MTMR7: variants seen among roughly 807,000 people sequenced by gnomAD.
The protein encoded by MTMR7 is myotubularin related protein 7.
MTMR7 carries 76 observed loss-of-function variants against 81.2 expected under a neutral mutation model. The observed-to-expected ratio is 0.94, with a 90% CI of 0.78 to 1.13. The LOEUF (loss-of-function observed/expected upper bound fraction) is 1.13, where lower values mean the gene tolerates loss of function less well. MTMR7 is among the 50% of genes most tolerant of loss of function. The pLI, the probability that MTMR7 is intolerant of heterozygous loss-of-function variation, is 0.00. For synonymous variants in MTMR7, 372 were observed against 289.8 expected, an observed-to-expected ratio of 1.28 and a Z score of -2.88; for missense variants, 1,044 against 820.0, an observed-to-expected ratio of 1.27 and a Z score of -3.34.
intron 1 of MTMR7, among the ~76,000 whole-genome samples, chr8:17,383,944 T>G (rs1820843874): frequency 6.6e-6 from 1 of 152,206 alleles, no homozygotes; most frequent in African/African-American, 2.4e-5. Context: ...ATCTACCATA[T>G]AGAAATTCTC....
intron 1 of MTMR7, among the ~76,000 whole-genome samples, chr8:17,385,064 C>G (rs1175506383): frequency 1.3e-5 from 2 of 152,184 alleles, no homozygotes; most frequent in Admixed American, 6.5e-5. Context: ...GAATCCTATT[C>G]TCAAGCTGCC....
In MTMR7 at chr8:17,302,192, T is replaced by C. The variant is rs1349242395; in HGVS notation, c.1582A>G (p.Thr528Ala). Residue 528 changes from threonine (T) to alanine (A), a missense_variant, in exon 13 of 14, where the codon ACT becomes GCT. By Grantham distance (58) the Thr-to-Ala change is moderately conservative (BLOSUM62 0). Coordinates refer to ENST00000180173, the MANE Select transcript of MTMR7 (RefSeq NM_004686.5). ...TCTAGTTCTTCCTCTAGCTGCTGAG[T>C]TTCTTCCTTCACTGCCATTAGGTAA... Reference protein sequence around the residue: ...TDYLMAVKEETQQLEEELEAL... With the variant: ...TDYLMAVKEEAQQLEEELEAL... The C allele has an allele frequency of 1.9e-6, 3 of 1,614,038 alleles. No individual in the cohort carries two copies. The highest frequency in any genetic ancestry group is 1.7e-6 in the Non-Finnish European group (2 of 1,180,008).
chr8:17,361,136 T>A lies in MTMR7; in HGVS notation c.449A>T (p.Asp150Val). The A allele has an allele frequency of 1.9e-6, 3 of 1,614,162 alleles. No individual in the cohort carries two copies. Among genetic ancestry groups the A allele is most frequent in the Non-Finnish European group, 2.5e-6 (3 of 1,180,014 alleles). ...ACTCACTCTGTAGTCTCTATTCACA[T>A]CGCTGAGCTGCCAGTAATGATTAGG... is the stretch of plus-strand genomic sequence containing the variant. ...GLPNHYWQLSDVNRDYRVCDS... is the reference protein window; with the variant it reads ...GLPNHYWQLSVVNRDYRVCDS... Residue 150 changes from aspartate to valine, a missense_variant, in exon 4 of 14, where the codon GAT becomes GTT. Asp to Val is a radical substitution (Grantham distance 152). Transcript: ENST00000180173.
intron 7 of MTMR7, among the ~76,000 whole-genome samples, chr8:17,326,043 T>C (rs1476809155): frequency 1.3e-5 from 2 of 152,230 alleles, no homozygotes; most frequent in African/African-American, 2.4e-5. Context: ...TACATTGCTT[T>C]ACAAATACAG....
intron 7 of MTMR7, among the ~76,000 whole-genome samples, chr8:17,316,463 G>T (rs1407863208): frequency 1.1e-5 from 1 of 94,180 alleles, no homozygotes; most frequent in African/African-American, 5.5e-5. Context: ...AAACAGTACA[G>T]TAAAAAAAAA....
chr8:17,353,248 G>A (rs1440118463), intron 4 of MTMR7, among the ~76,000 whole-genome samples: 1 of 152,094 alleles, frequency 6.6e-6, no homozygotes, highest in Admixed American at 6.6e-5. Flanking sequence ...CAAATTCATA[G>A]AAACAAAAAG....
At chr8:17,399,217 C>T (rs1821351292) in intron 1 of MTMR7, among the ~76,000 whole-genome samples, 1 of 152,020 alleles carries the variant, frequency 6.6e-6, no homozygotes, top group South Asian at 2.1e-4. Flanking sequence ...ATGATATGAT[C>T]TTATATTTGG....
chr8:17,346,561 G>A (rs1586226719), intron 5 of MTMR7, among the ~76,000 whole-genome samples: 1 of 152,022 alleles, frequency 6.6e-6, no homozygotes, highest in African/African-American at 2.4e-5. Context: ...TGCCTCTGAG[G>A]TCTAACTGCT....
At chr8:17,381,817 TATC>T (rs1165150528) in intron 1 of MTMR7, among the ~76,000 whole-genome samples, 1 of 152,214 alleles carries the variant, frequency 6.6e-6, no homozygotes, top group Non-Finnish European at 1.5e-5. Flanking sequence ...CTAAAATTGG[TATC>T]ATGACATTTT....
chr8:17,409,493 A>C (rs1168574451), intron 1 of MTMR7, among the ~76,000 whole-genome samples: 1 of 152,110 alleles, frequency 6.6e-6, no homozygotes, highest in Non-Finnish European at 1.5e-5. Context: ...AAAAGTAATG[A>C]ATTAATTATG....
At position 17,401,134 on chromosome 8, in the gene MTMR7, GTATGT is replaced by G. The variant is rs1355237526; in HGVS notation, c.24+12130_24+12134del. Among the ~76,000 whole-genome samples the G allele has an allele frequency of 2.6e-5, 4 of 152,100 alleles. No homozygotes were observed. The East Asian group carries it at 7.7e-4, about 29-fold the overall frequency. ...TATGTGTATGTGTGTAGGTGTGTAT[GTATGT>G]TACAGAAAAAATGCTATGGAGAAAA... On this transcript the variant is annotated intron_variant, in intron 1 of 13. Coordinates refer to ENST00000180173, the MANE Select transcript of MTMR7 (RefSeq NM_004686.5).
intron 1 of MTMR7, among the ~76,000 whole-genome samples, chr8:17,403,010 C>T (rs1158048224): frequency 6.6e-6 from 1 of 152,126 alleles, no homozygotes; most frequent in Non-Finnish European, 1.5e-5. Context: ...ATGTTGAGCA[C>T]CTTTTCATAT....
intron 1 of MTMR7, among the ~76,000 whole-genome samples, chr8:17,409,707 C>T (rs1171105187): frequency 6.6e-6 from 1 of 152,064 alleles, no homozygotes; most frequent in Non-Finnish European, 1.5e-5. Context: ...GGGGAAAACA[C>T]AAGGTGTTAT....
intron 1 of MTMR7, among the ~76,000 whole-genome samples, chr8:17,373,793 C>T (rs1249021157): frequency 6.6e-6 from 1 of 152,108 alleles, no homozygotes; most frequent in East Asian, 1.9e-4. Context: ...TCATTTATAA[C>T]AAAATCTTCC....
chr8:17,348,403 A>C (rs375290043), intron 5 of MTMR7, among the ~76,000 whole-genome samples: 52 of 151,826 alleles, frequency 3.4e-4, no homozygotes, highest in African/African-American at 1.2e-3. Flanking sequence ...ACCCAAAATT[A>C]GCTGGGCATG....
chr8:17,328,067 A>T (rs10092572), intron 7 of MTMR7, among the ~76,000 whole-genome samples: 34,180 of 152,174 alleles, frequency 0.22, 6,415 homozygotes, highest in African/African-American at 0.52. Flanking sequence ...AACAGTATTA[A>T]TCTAACAGTC....
At chr8:17,407,484 G>A (rs1585129108) in intron 1 of MTMR7, among the ~76,000 whole-genome samples, 2 of 151,716 alleles carry the variant, frequency 1.3e-5, no homozygotes, top group South Asian at 4.2e-4. Flanking sequence ...TTCCATCTAG[G>A]GTTCTATTCT....
chr8:17,376,706 A>G (rs553338380), intron 1 of MTMR7, among the ~76,000 whole-genome samples: 196 of 152,190 alleles, frequency 1.3e-3, no homozygotes, highest in African/African-American at 4.4e-3. Flanking sequence ...CTTTATGTGC[A>G]CCCATTTTTA....
At position 17,341,513 on chromosome 8, in the gene MTMR7, A is replaced by C. The variant is rs775711633; in HGVS notation, c.598-16T>G. 4 of 1,612,420 alleles carry C rather than the reference A, an allele frequency of 2.5e-6. No homozygotes were observed. The South Asian group carries it at 3.3e-5, about 13-fold the overall frequency. On this transcript the variant is annotated splice_polypyrimidine_tract_variant and intron_variant, in intron 5 of 13. Transcript: ENST00000180173. Reference sequence around the variant, plus strand: ...AGATGGAGGCCTAGGGGGAGAGGTCACAGCAACACAGCACCATCAGGTAAC... The same window carrying C: ...AGATGGAGGCCTAGGGGGAGAGGTCCCAGCAACACAGCACCATCAGGTAAC...
Sources: gnomAD v4.1 joint callset for allele counts (sites outside exome capture counted in the v4.1 genomes callset) on GRCh38, gnomAD v4.1.1 for gene constraint, MANE v1.5 for transcripts, NCBI Gene and HGNC (gene_info 2026-07-23, HGNC 2026-07-21) for gene names.